ARAP2: variants seen among roughly 807,000 people sequenced by gnomAD.
ARAP2 encodes the protein arf-GAP with Rho-GAP domain, ANK repeat and PH domain-containing protein 2.
A neutral mutation model predicts 194.5 loss-of-function variants in ARAP2; 148 were observed. The observed-to-expected ratio is 0.76, with a 90% confidence interval of 0.67 to 0.87. ARAP2 has a LOEUF of 0.87. ARAP2 is among the 40% of genes least tolerant of loss of function. The probability of loss-of-function intolerance (pLI) is 0.00; values close to 1 mark genes in which losing one functional copy is unlikely to be tolerated. For missense variants in ARAP2, 2,128 were observed against 1,989.7 expected (o/e 1.07, Z -1.32); for synonymous variants, 695 against 683.5 (o/e 1.02, Z -0.26).
At chr4:36,072,520 A>G (rs2109313840) in intron 32 of ARAP2, among the ~76,000 whole-genome samples, 2 of 152,118 alleles carry the variant, frequency 1.3e-5, no homozygotes, top group Non-Finnish European at 2.9e-5. Flanking sequence ...TTCTACAGTC[A>G]CTGTAGGGCG....
At chr4:36,208,535 G>C (rs746481825) in intron 6 of ARAP2, among the ~76,000 whole-genome samples, 1 of 152,170 alleles carries the variant, frequency 6.6e-6, no homozygotes, top group Non-Finnish European at 1.5e-5. Flanking sequence ...AAAGAGACAC[G>C]CAGCCATGAG....
At chr4:36,014,404 G>C (rs1044243465) in intron 8 of ARAP2, among the ~76,000 whole-genome samples, 10 of 150,714 alleles carry the variant, frequency 6.6e-5, no homozygotes, top group African/African-American at 2.5e-4. Context: ...AGCAACCACT[G>C]CCACCACTTC....
intron 3 of ARAP2, among the ~76,000 whole-genome samples, chr4:36,048,838 G>C (rs1722219798): frequency 6.6e-6 from 1 of 152,090 alleles, no homozygotes; most frequent in Non-Finnish European, 1.5e-5. Context: ...CACTAGCAGT[G>C]TATAAGCATT....
chr4:36,031,665 T>C (rs1179951424), intron 5 of ARAP2, among the ~76,000 whole-genome samples: 3 of 53,274 alleles, frequency 5.6e-5, no homozygotes, highest in African/African-American at 1.2e-4. Flanking sequence ...GGATTTAAAA[T>C]CTTTTTTTTT....
rs1240042179 is a variant in ARAP2 at position 36,080,281 on chromosome 4, T to G, written c.4545-2A>C. 1 of 1,611,470 alleles carries G rather than the reference T, an allele frequency of 6.2e-7. No individual in the cohort carries two copies. Among genetic ancestry groups the G allele is most frequent in the Non-Finnish European group, 8.5e-7 (1 of 1,178,064 alleles). On this transcript the variant is annotated splice_acceptor_variant, in intron 30 of 32. Coordinates refer to ENST00000303965, the MANE Select transcript of ARAP2 (RefSeq NM_015230.4). LOFTEE classifies it high-confidence loss of function. ...CGTGAACTATCACAACACAGGTGCCTGCAAAACGAGGTTTATAAACTATGT... is the reference window on the plus strand; with the variant it reads ...CGTGAACTATCACAACACAGGTGCCGGCAAAACGAGGTTTATAAACTATGT...
At chr4:36,055,906 A>C (rs1426238833) in intron 2 of ARAP2, among the ~76,000 whole-genome samples, 1 of 152,198 alleles carries the variant, frequency 6.6e-6, no homozygotes, top group Non-Finnish European at 1.5e-5. Flanking sequence ...CTTTTATTTC[A>C]GAGTGGGCAA....
At chr4:36,151,341 G>A (rs1291454587) in intron 15 of ARAP2, among the ~76,000 whole-genome samples, 1 of 152,066 alleles carries the variant, frequency 6.6e-6, no homozygotes, top group Non-Finnish European at 1.5e-5. Context: ...AAGCTGCAAA[G>A]AATAAAATGT....
intron 11 of ARAP2, among the ~76,000 whole-genome samples, chr4:36,161,966 G>A (rs542771628): frequency 6.6e-6 from 1 of 152,072 alleles, no homozygotes; most frequent in South Asian, 2.1e-4. Flanking sequence ...AAATTAGCCG[G>A]GCGAGGTGGC....
chr4:36,144,440 CATAAA>C (rs1449570612), intron 19 of ARAP2, among the ~76,000 whole-genome samples: 1 of 151,770 alleles, frequency 6.6e-6, no homozygotes, highest in Non-Finnish European at 1.5e-5. Context: ...TATTTCTGGA[CATAAA>C]ATTAACAATA....
intron 5 of ARAP2, among the ~76,000 whole-genome samples, chr4:36,022,900 C>A (rs1717252926): frequency 6.6e-6 from 1 of 152,036 alleles, no homozygotes; most frequent in Non-Finnish European, 1.5e-5. Flanking sequence ...TTGGTGTCTT[C>A]AGGTAACATC....
At chr4:36,097,744 CT>C (rs1462000217) in intron 27 of ARAP2, among the ~76,000 whole-genome samples, 1 of 152,056 alleles carries the variant, frequency 6.6e-6, no homozygotes, top group Non-Finnish European at 1.5e-5. Flanking sequence ...CATTTACTAC[CT>C]TTTGATCTTT....
At chr4:36,087,524 C>T (rs2109367556) in intron 28 of ARAP2, among the ~76,000 whole-genome samples, 1 of 152,104 alleles carries the variant, frequency 6.6e-6, no homozygotes, top group African/African-American at 2.4e-5. Context: ...TCAGATTGAG[C>T]AAGATGATCC....
At chr4:36,076,648 T>A (rs1728321374) in intron 31 of ARAP2, among the ~76,000 whole-genome samples, 2 of 151,782 alleles carry the variant, frequency 1.3e-5, no homozygotes, top group Admixed American at 6.6e-5. Context: ...CATGCTTCCC[T>A]CTCCACCTCA....
chr4:36,156,897 C>T (rs552630277), intron 15 of ARAP2, among the ~76,000 whole-genome samples: 13 of 152,104 alleles, frequency 8.5e-5, no homozygotes, highest in East Asian at 5.8e-4. Context: ...ATACAGATAA[C>T]GCATCAGTTT....
In ARAP2 at chr4:36,177,832, C is replaced by T. The variant is rs765116606; in HGVS notation, c.1852G>A (p.Glu618Lys). The T allele has an allele frequency of 8.1e-6, 13 of 1,599,372 alleles. No individual in the cohort carries two copies. Among genetic ancestry groups the T allele is most frequent in the Admixed American group, 1.8e-5 (1 of 56,686 alleles). ...ATGACTATAACAGAGCTCACCTGTT[C>T]GTTTTTGCAAAGCCACACACTGTTT... ...SGNSVWLCKN[E>K]QDFKSGLGIT... Residue 618 changes from glutamate (E) to lysine (K), a missense_variant, in exon 9 of 33, where the codon GAA becomes AAA. Coordinates refer to ENST00000303965, the MANE Select transcript of ARAP2 (RefSeq NM_015230.4).
intron 5 of ARAP2, among the ~76,000 whole-genome samples, chr4:36,032,449 CTTAAA>C (rs1355427572): frequency 6.6e-6 from 1 of 152,116 alleles, no homozygotes; most frequent in African/African-American, 2.4e-5. Context: ...GGTGATCATA[CTTAAA>C]TTGAGTACAG....
intron 28 of ARAP2, among the ~76,000 whole-genome samples, chr4:36,091,388 G>A (rs1360861317): frequency 6.6e-6 from 1 of 151,830 alleles, no homozygotes; most frequent in Non-Finnish European, 1.5e-5. Context: ...AGATCTTTTA[G>A]GGAAATAAAT....
At chr4:36,093,576 G>C (rs1714353666) in intron 27 of ARAP2, among the ~76,000 whole-genome samples, 1 of 151,982 alleles carries the variant, frequency 6.6e-6, no homozygotes, top group African/African-American at 2.4e-5. Flanking sequence ...GAAAGGTTAA[G>C]CAGATTTCCC....
At chr4:36,193,740 T>G in intron 6 of ARAP2, 93 bp from the exon 7 acceptor site, 1 of 964,038 alleles carries the variant, frequency 1.0e-6, no homozygotes, top group South Asian at 1.9e-5. Flanking sequence ...AATATATTAT[T>G]ATTTAATGTT....
Sources: allele counts gnomAD v4.1 joint callset (sites outside exome capture counted in the v4.1 genomes callset), GRCh38; gene constraint gnomAD v4.1.1; transcripts MANE v1.5; gene names NCBI Gene and HGNC (gene_info 2026-07-23, HGNC 2026-07-21).